ZC3H12B: variants seen among roughly 807,000 people sequenced by gnomAD.
ZC3H12B encodes probable ribonuclease ZC3H12B.
In ZC3H12B, 7 loss-of-function variants were observed where a neutral mutation model predicts 43.9. That is an observed-to-expected ratio of 0.16 (90% CI 0.09 to 0.30). ZC3H12B has a LOEUF of 0.30. Ranked by LOEUF, ZC3H12B falls within the 10% of genes least tolerant of loss-of-function variation. ZC3H12B has a pLI of 1.00. For missense variants in ZC3H12B, 475 were observed against 670.2 expected (o/e 0.71, Z 3.22); for synonymous variants, 222 against 241.7 (o/e 0.92, Z 0.76).
the ZC3H12B span, among the ~76,000 whole-genome samples, chrX:65,261,637 A>G: frequency 9.0e-6 from 1 of 111,059 alleles, no homozygotes; most frequent in African/African-American, 3.3e-5. Context: ...TATTAGGAAA[A>G]ATTATCTACC....
At chrX:65,392,416 T>A (rs906644436) in intron 2 of ZC3H12B, among the ~76,000 whole-genome samples, 1 of 110,993 alleles carries the variant, frequency 9.0e-6, no homozygotes, top group Non-Finnish European at 1.9e-5. Context: ...TCTGTCCAGC[T>A]GCCCAGTCTG....
At chrX:65,287,973 AC>A in the ZC3H12B span, among the ~76,000 whole-genome samples, 1 of 95,880 alleles carries the variant, frequency 1.0e-5, no homozygotes, top group Admixed American at 1.0e-4. Context: ...AGCTGATACC[AC>A]TGAAATTTTA....
the ZC3H12B span, among the ~76,000 whole-genome samples, chrX:65,281,321 G>A: frequency 8.7e-3 from 899 of 103,865 alleles, 6 homozygotes; most frequent in Non-Finnish European, 0.015. Flanking sequence ...TGCAACCTCC[G>A]CCTCCCAGGT....
chrX:65,343,464 A>T, the ZC3H12B span, among the ~76,000 whole-genome samples: 2 of 111,845 alleles, frequency 1.8e-5, no homozygotes, highest in African/African-American at 6.5e-5. Context: ...CAGGACATCA[A>T]AAAGCTTATC....
At chrX:65,056,153 G>A in the ZC3H12B span, among the ~76,000 whole-genome samples, 1 of 111,410 alleles carries the variant, frequency 9.0e-6, no homozygotes, top group Non-Finnish European at 1.9e-5. Flanking sequence ...GTTTGCTCTT[G>A]CTTCTCTAGT....
the ZC3H12B span, among the ~76,000 whole-genome samples, chrX:65,074,652 C>G: frequency 9.0e-5 from 10 of 111,702 alleles, no homozygotes; most frequent in African/African-American, 3.3e-4. Context: ...ACTTTCTGCA[C>G]TTCTTTTTTA....
At chrX:65,136,214 C>T in the ZC3H12B span, among the ~76,000 whole-genome samples, 2 of 111,424 alleles carry the variant, frequency 1.8e-5, no homozygotes, top group South Asian at 7.8e-4. Context: ...GGAGAACTAC[C>T]TCATTACTTC....
chrX:65,111,133 C>T, the ZC3H12B span, among the ~76,000 whole-genome samples: 3 of 110,855 alleles, frequency 2.7e-5, no homozygotes, highest in Non-Finnish European at 3.8e-5. Context: ...GTTTTGTGGG[C>T]GCCTTGGGAT....
the ZC3H12B span, among the ~76,000 whole-genome samples, chrX:65,237,745 C>T: frequency 9.0e-6 from 1 of 111,053 alleles, no homozygotes; most frequent in Non-Finnish European, 1.9e-5. Flanking sequence ...TCTTTAGTAC[C>T]TAGTTTATTG....
At chrX:65,351,497 C>A in the ZC3H12B span, among the ~76,000 whole-genome samples, 1 of 112,264 alleles carries the variant, frequency 8.9e-6, no homozygotes, top group Non-Finnish European at 1.9e-5. Context: ...AGCTTCTGCA[C>A]AGCAAAAGAA....
the ZC3H12B span, among the ~76,000 whole-genome samples, chrX:65,119,545 AG>A: frequency 8.9e-6 from 1 of 111,741 alleles, no homozygotes; most frequent in Admixed American, 9.5e-5. Context: ...TCTGGATATT[AG>A]CCCTTTGTCA....
In ZC3H12B at chrX:65,450,949, A is replaced by G. The variant is rs763092870; in HGVS notation, n.408-37697A>G. Among the ~76,000 whole-genome samples, 7 of 100,911 alleles carry G rather than the reference A, an allele frequency of 6.9e-5. No homozygotes were observed. In the South Asian group the frequency reaches 2.2e-3, roughly 32 times the overall value. 87.6% of individuals were successfully genotyped at this position (100,911 alleles called of 115,157 possible). On this transcript the variant is annotated intron_variant and non_coding_transcript_variant, in intron 3 of 5. Coordinates refer to the ZC3H12B transcript ENST00000617377. ...TATATATATATACACATACATATAT[A>G]TGTGAAAAGCAATAGTATTAATTCA... is the stretch of plus-strand genomic sequence containing the variant.
chrX:65,267,590 G>C, the ZC3H12B span, among the ~76,000 whole-genome samples: 29 of 111,272 alleles, frequency 2.6e-4, no homozygotes, highest in African/African-American at 9.1e-4. Context: ...TATGCCTAAA[G>C]ATCTGAAAGG....
chrX:65,188,706 ATTG>A, the ZC3H12B span, among the ~76,000 whole-genome samples: 7 of 109,124 alleles, frequency 6.4e-5, no homozygotes, highest in African/African-American at 1.7e-4. Context: ...TCTTTTTTAG[ATTG>A]TTGTTGGCAT....
At chrX:65,383,092 G>T (rs1043631869) in intron 2 of ZC3H12B, among the ~76,000 whole-genome samples, 2 of 111,318 alleles carry the variant, frequency 1.8e-5, no homozygotes, top group South Asian at 7.6e-4. Flanking sequence ...TCACAGAATT[G>T]GAAAAATCTA....
chrX:65,161,417 C>G, the ZC3H12B span, among the ~76,000 whole-genome samples: 312 of 111,335 alleles, frequency 2.8e-3, 3 homozygotes, highest in African/African-American at 9.8e-3. Flanking sequence ...GTAGGTCACT[C>G]AGGACTTGCT....
chrX:65,383,021 A>C (rs968759340), intron 2 of ZC3H12B, among the ~76,000 whole-genome samples: 1 of 111,253 alleles, frequency 9.0e-6, no homozygotes, highest in Non-Finnish European at 1.9e-5. Context: ...GAAAATGACC[A>C]TACTGCCCAA....
the ZC3H12B span, among the ~76,000 whole-genome samples, chrX:65,347,460 A>G: frequency 1.8e-5 from 2 of 112,360 alleles, no homozygotes; most frequent in East Asian, 5.6e-4. Flanking sequence ...GAAGACATTT[A>G]TGCAGGCAAC....
At chrX:65,226,816 C>A in the ZC3H12B span, among the ~76,000 whole-genome samples, 4 of 111,671 alleles carry the variant, frequency 3.6e-5, no homozygotes, top group South Asian at 1.1e-3. Context: ...GGGATCAATG[C>A]AACCAGAAGA....
Sources: gnomAD v4.1 joint callset for allele counts (sites outside exome capture counted in the v4.1 genomes callset) on GRCh38, gnomAD v4.1.1 for gene constraint, MANE v1.5 for transcripts, NCBI Gene and HGNC (gene_info 2026-07-23, HGNC 2026-07-21) for gene names.